The following CP variants were observed in gnomAD, a reference collection of about 807,000 sequenced individuals.
The protein encoded by CP is ceruloplasmin, also known as caeruloplasmin.
In CP, 64 loss-of-function variants were observed where a neutral mutation model predicts 122.4. The ratio of observed to expected loss-of-function variants is 0.52; its 90% CI spans 0.43 to 0.64. CP has a LOEUF of 0.64. Among genes scored for constraint, CP ranks in the 30% least tolerant of loss-of-function variants. CP has a pLI of 0.00. For synonymous variants in CP, 440 were observed against 436.4 expected (o/e 1.01, Z -0.10); for missense variants, 1,167 against 1,284.4 (o/e 0.91, Z 1.40).
At position 149,183,478 on chromosome 3, in the gene CP, G is replaced by C; in HGVS notation, c.2413C>G (p.Leu805Val). The C allele has an allele frequency of 1.2e-6, 2 of 1,611,300 alleles. No homozygotes were observed. The highest frequency in any genetic ancestry group is 1.7e-6 in the Non-Finnish European group (2 of 1,179,770). The change falls in exon 13 of 19, where the codon CTG (leucine) becomes GTG (valine). Residue 805 changes from leucine to valine, a missense_variant. By Grantham distance (32) the Leu-to-Val change is conservative. This residue lies in a region of CP where 525 missense variants were observed against 657.2 expected (regional missense o/e 0.80). Coordinates refer to ENST00000264613, the MANE Select transcript of CP (RefSeq NM_000096.4). ...GATATTAACATACCTAGAATTCCCA[G>C]ATGTTCTTCTTCAGCTTTTCTCTCC... ...PVERKAEEEH[L>V]GILGPQLHAD... is the part of the protein sequence containing the mutation.
chr3:149,163,759 A>G lies in CP; in HGVS notation c.*14-884T>C. On this transcript the variant is annotated intron_variant, in intron 5 of 5. Coordinates refer to the CP transcript ENST00000479771. ...TAATTCTATGACATGGCAGAGAATT[A>G]ATGATTGCTTTGCTCTTTGTGGAAT... The G allele has an allele frequency of 3.9e-6, 3 of 777,698 alleles. No individual in the cohort carries two copies. The South Asian group carries it at 4.3e-5, about 11-fold the overall frequency. The allele number at this position is 777,698 out of a possible 1,614,324, so 48.2% of individuals were successfully genotyped here. A position where few individuals can be genotyped will look rare whatever the true frequency, so the allele number is the denominator to read the frequency against.
At position 149,209,273 on chromosome 3, in the gene CP, CA is replaced by C; in HGVS notation, c.718del (p.Cys240AlafsTer23). 2 of 1,613,782 alleles carry C rather than the reference CA, an allele frequency of 1.2e-6. No homozygotes were observed. Among genetic ancestry groups the C allele is most frequent in the Non-Finnish European group, 1.7e-6 (2 of 1,179,784 alleles). ...TTTGTCAACTTTCTCTGGTTCTGAGCAGTAGGTTTTAATGTTGTCTTCTAGG... is the reference window on the plus strand; with the variant it reads ...TTTGTCAACTTTCTCTGGTTCTGAGCGTAGGTTTTAATGTTGTCTTCTAGG... ...WYLEDNIKTY[C>X]SEPEKVDKDN... On this transcript the variant is annotated frameshift_variant, in exon 4 of 19. Transcript: ENST00000264613. LOFTEE classifies it high-confidence loss of function.
At position 149,173,198 on chromosome 3, in the gene CP, C is replaced by G. The variant is rs1725168774; in HGVS notation, c.*516G>C. The G allele has an allele frequency of 6.6e-6, 1 of 152,266 alleles. No individual in the cohort carries two copies. Among genetic ancestry groups the G allele is most frequent in the African/African-American group, 2.4e-5 (1 of 41,446 alleles). The allele number at this position is 152,266 out of a possible 1,614,324, so 9.4% of individuals were successfully genotyped here. A position where few individuals can be genotyped will look rare whatever the true frequency, so the allele number is the denominator to read the frequency against. On this transcript the variant is annotated 3_prime_UTR_variant, in exon 19 of 19. Coordinates refer to ENST00000264613, the MANE Select transcript of CP (RefSeq NM_000096.4). Reference sequence around the variant, plus strand: ...CAGTTCCAGATAACGTCCTTAAGACCATCTGTTCAGGGGTTCACAAAACTC... The same window carrying G: ...CAGTTCCAGATAACGTCCTTAAGACGATCTGTTCAGGGGTTCACAAAACTC...
In CP at chr3:149,209,358, GTT is replaced by G; in HGVS notation, c.632_633del (p.Lys211ThrfsTer3). 6.2e-7 allele frequency: 1 copy of G among 1,613,254 alleles called. No individual in the cohort carries two copies. The highest frequency in any genetic ancestry group is 8.5e-7 in the Non-Finnish European group (1 of 1,179,582). ...ATCACCACAAATTCTCGGTCAATATGTTTTTCTTTTTCTTTATCTAGAGAATC... is the reference window on the plus strand; with the variant it reads ...ATCACCACAAATTCTCGGTCAATATGTTTCTTTTTCTTTATCTAGAGAATC... ...KKDSLDKEKE[K>X]HIDREFVVMF... On this transcript the variant is annotated frameshift_variant, in exon 4 of 19. Transcript: ENST00000264613. LOFTEE classifies it high-confidence loss of function.
At chr3:149,203,199 G>T (rs1356325834) in intron 6 of CP, among the ~76,000 whole-genome samples, 1 of 152,140 alleles carries the variant, frequency 6.6e-6, no homozygotes, top group Non-Finnish European at 1.5e-5. Flanking sequence ...AAGCCACTGC[G>T]CCCGGCCCCA....
intron 16 of CP, 150 bp from the exon 17 acceptor site, chr3:149,178,129 A>C: frequency 1.3e-6 from 1 of 793,268 alleles, no homozygotes; most frequent in Non-Finnish European, 2.1e-6. Flanking sequence ...GGATACTTTA[A>C]AGTCAATAAT....
chr3:149,192,643 C>G (rs1726612964), intron 9 of CP, among the ~76,000 whole-genome samples: 1 of 151,380 alleles, frequency 6.6e-6, no homozygotes, highest in Non-Finnish European at 1.5e-5. Context: ...CTGCATTATA[C>G]ATAACAAAGA....
chr3:149,194,760 T>C (rs1350343319), intron 9 of CP, among the ~76,000 whole-genome samples: 4 of 152,232 alleles, frequency 2.6e-5, no homozygotes, highest in Non-Finnish European at 5.9e-5. Flanking sequence ...CTTTAACTTA[T>C]ACATTTGAAA....
Position 149,186,510 on chromosome 3 carries a change from G to A in CP, c.2077+10C>T. Reference sequence around the variant, plus strand: ...CCATCCAATAGAGACTTGGCTTTAAGTAAATATACCCTCTGTGTCAGGCCA... The same window carrying A: ...CCATCCAATAGAGACTTGGCTTTAAATAAATATACCCTCTGTGTCAGGCCA... On this transcript the variant is annotated intron_variant, in intron 11 of 18. Coordinates refer to ENST00000264613, the MANE Select transcript of CP (RefSeq NM_000096.4). The A allele has an allele frequency of 6.2e-7, 1 of 1,613,412 alleles. No individual in the cohort carries two copies. The highest frequency in any genetic ancestry group is 8.5e-7 in the Non-Finnish European group (1 of 1,179,316).
intron 6 of CP, among the ~76,000 whole-genome samples, chr3:149,204,897 G>A (rs1008480445): frequency 1.3e-5 from 2 of 151,942 alleles, no homozygotes; most frequent in Non-Finnish European, 2.9e-5. Flanking sequence ...GTACATCAAA[G>A]GACACTATCA....
Position 149,163,886 on chromosome 3 carries a change from C to T in CP, c.*14-1011G>A, listed in dbSNP as rs3732557. On this transcript the variant is annotated intron_variant, in intron 5 of 5. Coordinates refer to the CP transcript ENST00000479771. ...ATGGCTTAATTTATCCATGGGTTCA[C>T]GTCGTAATATCATCTGATTCTTTAG... 0.19 allele frequency: 291,587 copies of T among 1,567,320 alleles called. 29,903 individuals carry two copies. The highest frequency in any genetic ancestry group is 0.26 in the East Asian group (11,586 of 44,434).
intron 1 of CP, among the ~76,000 whole-genome samples, chr3:149,216,773 A>G (rs1001091182): frequency 2.0e-5 from 3 of 152,172 alleles, no homozygotes; most frequent in Non-Finnish European, 4.4e-5. Flanking sequence ...CTGTGTTCTC[A>G]GGAGAAATAG....
At chr3:149,210,859 G>T (rs1243178517) in intron 2 of CP, among the ~76,000 whole-genome samples, 1 of 152,110 alleles carries the variant, frequency 6.6e-6, no homozygotes, top group African/African-American at 2.4e-5. Flanking sequence ...ATCGACTCAA[G>T]GCCAACCTTG....
At chr3:149,176,160 G>T in intron 18 of CP, 90 bp downstream of exon 18, 1 of 1,180,192 alleles carries the variant, frequency 8.5e-7, no homozygotes, top group Non-Finnish European at 1.3e-6. Context: ...TCATATTGAT[G>T]CATCATATTG....
At chr3:149,220,553 A>G (rs1250550782) in intron 1 of CP, among the ~76,000 whole-genome samples, 1 of 152,022 alleles carries the variant, frequency 6.6e-6, no homozygotes, top group Non-Finnish European at 1.5e-5. Context: ...CAGGTCAGAA[A>G]CTTTCTTTAT....
Position 149,183,623 on chromosome 3 carries a change from C to T in CP, c.2286-18G>A. On this transcript the variant is annotated intron_variant, in intron 12 of 18. Coordinates refer to ENST00000264613, the MANE Select transcript of CP (RefSeq NM_000096.4). ...TTGAAACACTTAAAAAAAAAAACAA[C>T]TAAGGTTAGTATTTGTCTTAATGAA... The T allele has an allele frequency of 1.4e-6, 2 of 1,452,476 alleles. No homozygotes were observed. The highest frequency in any genetic ancestry group is 1.9e-6 in the Non-Finnish European group (2 of 1,047,704). The allele number at this position is 1,452,476 out of a possible 1,614,324, so 90.0% of individuals were successfully genotyped here.
intron 1 of CP, among the ~76,000 whole-genome samples, chr3:149,215,086 C>G (rs1728378763): frequency 6.6e-6 from 1 of 152,190 alleles, no homozygotes; most frequent in Non-Finnish European, 1.5e-5. Context: ...GGAGACTTTA[C>G]TCCATGCTTT....
chr3:149,173,596 C>T lies in CP; in HGVS notation c.*118G>A. On this transcript the variant is annotated 3_prime_UTR_variant, in exon 19 of 19. Coordinates refer to ENST00000264613, the MANE Select transcript of CP (RefSeq NM_000096.4). Reference sequence around the variant, plus strand: ...ACAAATGTACAAAGTTGTATGCTTCCAGTCTTCTTTTAATGTTTATAGTCA... The same window carrying T: ...ACAAATGTACAAAGTTGTATGCTTCTAGTCTTCTTTTAATGTTTATAGTCA... 2 of 706,128 alleles carry T rather than the reference C, an allele frequency of 2.8e-6. No homozygotes were observed. The highest frequency in any genetic ancestry group is 4.8e-6 in the Non-Finnish European group (2 of 418,412). 43.7% of individuals were successfully genotyped at this position (706,128 alleles called of 1,614,324 possible). A position where few individuals can be genotyped will look rare whatever the true frequency, so the allele number is the denominator to read the frequency against.
intron 1 of CP, among the ~76,000 whole-genome samples, chr3:149,219,633 T>C (rs1012217152): frequency 3.3e-5 from 5 of 151,938 alleles, no homozygotes; most frequent in Non-Finnish European, 5.9e-5. Context: ...CCTCTTTTTC[T>C]TTATAAATTA....
Sources: allele counts gnomAD v4.1 joint callset (sites outside exome capture counted in the v4.1 genomes callset), GRCh38; gene constraint gnomAD v4.1.1; regional missense constraint gnomAD v4.1.1; transcripts MANE v1.5; gene names NCBI Gene and HGNC (gene_info 2026-07-23, HGNC 2026-07-21).